Variants in ZNF607 observed in about 807,000 individuals in gnomAD.
ZNF607 encodes zinc finger protein 607.
Under a neutral mutation model 12.8 loss-of-function variants are expected in ZNF607, and 5 were observed. The observed-to-expected ratio is 0.39, with a 90% CI of 0.20 to 0.82. The LOEUF is 0.82. Among genes scored for constraint, ZNF607 ranks in the 40% least tolerant of loss-of-function variants. ZNF607 has a pLI of 0.39. For synonymous variants in ZNF607, 287 were observed against 276.2 expected (o/e 1.04, Z -0.39); for missense variants, 851 against 859.2 (o/e 0.99, Z 0.12).
chr19:37,701,739 C>T (rs1599661737), intron 4 of ZNF607, among the ~76,000 whole-genome samples: 1 of 152,332 alleles, frequency 6.6e-6, no homozygotes, highest in East Asian at 1.9e-4. Flanking sequence ...CAGTAGCATA[C>T]CCAGGTTTGG....
rs971470834 is a variant in ZNF607 at position 37,699,683 on chromosome 19, C to A, written c.448G>T (p.Ala150Ser). ...EPDQCEKFRK[A>S]FSHLTDLRKH... ...CTAAGGTCTGTAAGATGGCTAAATGCCTTCCTAAACTTTTCACATTGATCA... is the reference window on the plus strand; with the variant it reads ...CTAAGGTCTGTAAGATGGCTAAATGACTTCCTAAACTTTTCACATTGATCA... The change falls in exon 5 of 5, where the codon GCA (alanine) becomes TCA (serine). Residue 150 changes from alanine (A) to serine (S), a missense_variant. Physicochemically the swap from Ala to Ser is moderately conservative, Grantham distance 99. Coordinates refer to ENST00000355202, the MANE Select transcript of ZNF607 (RefSeq NM_032689.5). The A allele has an allele frequency of 2.5e-6, 4 of 1,614,038 alleles. No homozygotes were observed. The Admixed American group carries it at 6.7e-5, about 27-fold the overall frequency.
At chr19:37,716,045 T>C (rs2045173859) in intron 1 of ZNF607, among the ~76,000 whole-genome samples, 2 of 152,204 alleles carry the variant, frequency 1.3e-5, no homozygotes, top group African/African-American at 2.4e-5. Context: ...AGGAGGTCCC[T>C]GGTAGCTCCC....
Position 37,709,791 on chromosome 19 carries a change from T to C in ZNF607, c.41A>G (p.Asp14Gly), listed in dbSNP as rs1339925260. Residue 14 changes from aspartate to glycine, a missense_variant, in exon 3 of 5, where the codon GAC becomes GGC. Transcript: ENST00000355202. ...GSITFGDVAI[D>G]FSHQEWEYLS... Reference sequence around the variant, plus strand: ...ATATTCCCACTCCTGATGAGAGAAGTCTATGGCCACATCCCCGAATGTTAT... The same window carrying C: ...ATATTCCCACTCCTGATGAGAGAAGCCTATGGCCACATCCCCGAATGTTAT... 1.2e-6 allele frequency: 2 copies of C among 1,613,812 alleles called. No homozygotes were observed. The highest frequency in any genetic ancestry group is 8.5e-7 in the Non-Finnish European group (1 of 1,179,880).
At chr19:37,700,302 A>T (rs531777835) in intron 4 of ZNF607, among the ~76,000 whole-genome samples, 1 of 152,366 alleles carries the variant, frequency 6.6e-6, no homozygotes, top group African/African-American at 2.4e-5. Flanking sequence ...GCAAGTATCG[A>T]TATGGAAATA....
rs981364497 is a variant in ZNF607, at chr19:37,696,674, G to A, written c.*1366C>T. On this transcript the variant is annotated 3_prime_UTR_variant, in exon 5 of 5. Coordinates refer to ENST00000355202, the MANE Select transcript of ZNF607 (RefSeq NM_032689.5). ...CCTGCCGGCAGGCAGGTGATGTTCC[G>A]AGAGCATGAGAGCTGGTATGCAATG... 5.7e-6 allele frequency: 4 copies of A among 707,520 alleles called. No individual in the cohort carries two copies. The highest frequency in any genetic ancestry group is 4.1e-5 in the Admixed American group (2 of 48,482). 43.8% of individuals were successfully genotyped at this position (707,520 alleles called of 1,614,324 possible). A position where few individuals can be genotyped will look rare whatever the true frequency, so the allele number is the denominator to read the frequency against.
chr19:37,697,015 G>A lies in ZNF607; in HGVS notation c.*1025C>T. The A allele has an allele frequency of 1.4e-6, 1 of 720,844 alleles. No individual in the cohort carries two copies. Among genetic ancestry groups the A allele is most frequent in the East Asian group, 2.6e-5 (1 of 37,948 alleles). 44.7% of individuals were successfully genotyped at this position (720,844 alleles called of 1,614,324 possible). On this transcript the variant is annotated 3_prime_UTR_variant, in exon 5 of 5. Coordinates refer to ENST00000355202, the MANE Select transcript of ZNF607 (RefSeq NM_032689.5). ...TCTCCAGCATCAAAGCGAGCCACCA[G>A]TGACTTGAGGATCTCCGTGGTAATG... is the stretch of plus-strand genomic sequence containing the variant.
At chr19:37,709,642 T>C in intron 3 of ZNF607, 54 bp downstream of exon 3, 1 of 1,573,746 alleles carries the variant, frequency 6.4e-7, no homozygotes, top group Non-Finnish European at 8.7e-7. Flanking sequence ...GAATGTATCC[T>C]ACGAAACAGA....
intron 1 of ZNF607, among the ~76,000 whole-genome samples, chr19:37,714,767 C>T (rs1335609073): frequency 6.6e-6 from 1 of 151,950 alleles, no homozygotes; most frequent in Non-Finnish European, 1.5e-5. Flanking sequence ...GAAGATTAAT[C>T]AAGATGATCT....
rs887443937 is a variant in ZNF607, at chr19:37,697,076, G to A, written c.*964C>T. ...CACACTCATCGTAGTCCTCTCCAAT[G>A]CTGGTGAAGATGCGAGGAAGCTGGC... On this transcript the variant is annotated 3_prime_UTR_variant, in exon 5 of 5. Transcript: ENST00000355202. 2.7e-6 allele frequency: 2 copies of A among 743,164 alleles called. No individual in the cohort carries two copies. The highest frequency in any genetic ancestry group is 3.4e-5 in the African/African-American group (2 of 58,202). 46.0% of individuals were successfully genotyped at this position (743,164 alleles called of 1,614,324 possible).
Position 37,698,693 on chromosome 19 carries a change from G to A in ZNF607, c.1438C>T (p.Gln480Ter), listed in dbSNP as rs376038316. ...TAACTAAAACCCTTCCCACACTCTTGACATACATAGGGTTTCTCTCCTGTA... is the reference window on the plus strand; with the variant it reads ...TAACTAAAACCCTTCCCACACTCTTAACATACATAGGGTTTCTCTCCTGTA... ...IHTGEKPYVC[Q>*]ECGKGFSYSH... The change falls in exon 5 of 5, where the codon CAA becomes TAA. Residue 480 changes from glutamine (Q) to a stop codon, truncating the protein, a stop_gained. Coordinates refer to ENST00000355202, the MANE Select transcript of ZNF607 (RefSeq NM_032689.5). LOFTEE classifies it low-confidence loss of function (END_TRUNC). 9.9e-6 allele frequency: 16 copies of A among 1,611,982 alleles called. No individual in the cohort carries two copies. The African/African-American group carries it at 1.9e-4, about 19-fold the overall frequency.
At chr19:37,709,962 A>G in intron 2 of ZNF607, 140 bp from the exon 3 acceptor site, 1 of 846,434 alleles carries the variant, frequency 1.2e-6, no homozygotes, top group Non-Finnish European at 1.7e-6. Flanking sequence ...GAAGACCATC[A>G]TGGTCAACAT....
At chr19:37,716,180 C>T (rs1178321810) in intron 1 of ZNF607, among the ~76,000 whole-genome samples, 1 of 151,942 alleles carries the variant, frequency 6.6e-6, no homozygotes, top group Non-Finnish European at 1.5e-5. Flanking sequence ...TACAAAATAG[C>T]GTAAGAGCTC....
At chr19:37,716,527 T>C (rs918189832) in intron 1 of ZNF607, among the ~76,000 whole-genome samples, 1 of 152,248 alleles carries the variant, frequency 6.6e-6, no homozygotes, top group Admixed American at 6.5e-5. Context: ...ACTGGTTTTA[T>C]ATCCATGGTT....
intron 1 of ZNF607, among the ~76,000 whole-genome samples, chr19:37,716,635 A>T (rs1315926882): frequency 6.6e-5 from 10 of 152,226 alleles, no homozygotes; most frequent in Admixed American, 6.5e-5. Context: ...CACACATGAA[A>T]ACTGAAAACA....
At chr19:37,715,318 A>C (rs1443676261) in intron 1 of ZNF607, among the ~76,000 whole-genome samples, 1 of 150,700 alleles carries the variant, frequency 6.6e-6, no homozygotes, top group Non-Finnish European at 1.5e-5. Flanking sequence ...TAAAAAAAAA[A>C]ATTAGGTTTT....
Position 37,697,728 on chromosome 19 carries a change from C to A in ZNF607, c.*312G>T, listed in dbSNP as rs540787733. Reference sequence around the variant, plus strand: ...TGCAAGTATAAAGAATGGTTTCCTACGTTTTCTCAGTTTTCCTCTACTGTG... The same window carrying A: ...TGCAAGTATAAAGAATGGTTTCCTAAGTTTTCTCAGTTTTCCTCTACTGTG... On this transcript the variant is annotated 3_prime_UTR_variant, in exon 5 of 5. Coordinates refer to ENST00000355202, the MANE Select transcript of ZNF607 (RefSeq NM_032689.5). The A allele has an allele frequency of 1.3e-5, 4 of 307,228 alleles. No homozygotes were observed. Among genetic ancestry groups the A allele is most frequent in the Non-Finnish European group, 1.2e-5 (2 of 166,918 alleles). The allele number at this position is 307,228 out of a possible 1,614,324, so 19.0% of individuals were successfully genotyped here.
At chr19:37,714,385 C>T (rs2045158067) in intron 1 of ZNF607, among the ~76,000 whole-genome samples, 1 of 150,276 alleles carries the variant, frequency 6.7e-6, no homozygotes, top group Non-Finnish European at 1.5e-5. Context: ...CATACTCACC[C>T]TGTCTCCAGT....
rs140805055 is a variant in ZNF607 at position 37,698,529 on chromosome 19, T to A, written c.1602A>T (p.Glu534Asp). 1.2e-6 allele frequency: 2 copies of A among 1,612,000 alleles called. No homozygotes were observed. Among genetic ancestry groups the A allele is most frequent in the South Asian group, 2.2e-5 (2 of 91,028 alleles). The part of the protein sequence containing the change: ...LSIHSGKKPF[E>D]CNKCGKSFRF... ...TAAAAGACTTCCCGCATTTGTTGCA[T>A]TCAAAGGGTTTCTTACCACTGTGAA... Residue 534 changes from glutamate to aspartate, a missense_variant, in exon 5 of 5, where the codon GAA becomes GAT. Transcript: ENST00000355202.
Position 37,697,028 on chromosome 19 carries a change from C to T in ZNF607, c.*1012G>A, listed in dbSNP as rs146296003. 9 of 725,622 alleles carry T rather than the reference C, an allele frequency of 1.2e-5. 1 individual carries two copies. In the East Asian group the frequency reaches 1.8e-4, roughly 15 times the overall value. The allele number at this position is 725,622 out of a possible 1,614,324, so 44.9% of individuals were successfully genotyped here. A position where few individuals can be genotyped will look rare whatever the true frequency, so the allele number is the denominator to read the frequency against. On this transcript the variant is annotated 3_prime_UTR_variant, in exon 5 of 5. Coordinates refer to ENST00000355202, the MANE Select transcript of ZNF607 (RefSeq NM_032689.5). ...AGCGAGCCACCAGTGACTTGAGGAT[C>T]TCCGTGGTAATGAACGGCAGCACAC...
Sources: allele counts gnomAD v4.1 joint callset (sites outside exome capture counted in the v4.1 genomes callset), GRCh38; gene constraint gnomAD v4.1.1; transcripts MANE v1.5; gene names NCBI Gene and HGNC (gene_info 2026-07-23, HGNC 2026-07-21).